Variants in CSMD1 observed in about 807,000 individuals in gnomAD.
The protein encoded by CSMD1 is CUB and sushi domain-containing protein 1.
In CSMD1, 213 loss-of-function variants were observed where a neutral mutation model predicts 417.5. The ratio of observed to expected loss-of-function variants is 0.51; its 90% CI spans 0.46 to 0.57. CSMD1 has a LOEUF of 0.57. CSMD1 is among the 20% of genes least tolerant of loss of function. The pLI is 0.00. For missense variants in CSMD1, 6,923 were observed against 4,529.7 expected, an observed-to-expected ratio of 1.53 and a Z score of -15.17; for synonymous variants, 2,862 against 1,736.8, an observed-to-expected ratio of 1.65 and a Z score of -16.11.
In CSMD1 at chr8:4,330,537, C is replaced by T. The variant is rs560124710; in HGVS notation, c.415+89416G>A. On this transcript the variant is annotated intron_variant, in intron 3 of 69. Coordinates refer to ENST00000635120, the MANE Select transcript of CSMD1 (RefSeq NM_033225.6). ...CCGAGGAGGCAGAGGTTACAGTAAG[C>T]CAAGATCACACCACAGCACTTCAGC... is the stretch of plus-strand genomic sequence containing the variant. 2.0e-5 allele frequency among the ~76,000 whole-genome samples: 3 copies of T among 150,838 alleles called. No individual in the cohort carries two copies. The East Asian group carries it at 5.9e-4, about 30-fold the overall frequency.
chr8:4,555,846 G>A (rs1010712647), intron 2 of CSMD1, among the ~76,000 whole-genome samples: 6 of 151,986 alleles, frequency 3.9e-5, no homozygotes, highest in Non-Finnish European at 8.8e-5. Context: ...TATAAAATAC[G>A]AAAATTATAT....
chr8:3,120,491 G>C (rs1037502663), intron 41 of CSMD1, among the ~76,000 whole-genome samples: 2 of 152,026 alleles, frequency 1.3e-5, no homozygotes, highest in Non-Finnish European at 2.9e-5. Flanking sequence ...ATGAGGTTTC[G>C]TTATTATCCA....
At chr8:3,368,439 C>T (rs1475938980) in intron 19 of CSMD1, among the ~76,000 whole-genome samples, 2 of 152,156 alleles carry the variant, frequency 1.3e-5, no homozygotes, top group African/African-American at 4.8e-5. Context: ...TGGGTTCAAG[C>T]CATTCCCCTG....
chr8:3,473,768 T>TCA (rs1817243221), intron 11 of CSMD1, among the ~76,000 whole-genome samples: 1 of 152,170 alleles, frequency 6.6e-6, no homozygotes, highest in Non-Finnish European at 1.5e-5. Flanking sequence ...CAGTCTACTC[T>TCA]CACACTGCTA....
intron 2 of CSMD1, among the ~76,000 whole-genome samples, chr8:4,590,274 G>A (rs1335544043): frequency 6.6e-6 from 1 of 151,940 alleles, no homozygotes; most frequent in Non-Finnish European, 1.5e-5. Flanking sequence ...GGTGACCATG[G>A]GGACAGAAAA....
At chr8:4,129,154 C>G (rs966040697) in intron 3 of CSMD1, among the ~76,000 whole-genome samples, 6 of 151,726 alleles carry the variant, frequency 4.0e-5, no homozygotes, top group Admixed American at 1.3e-4. Flanking sequence ...GTACTTATCA[C>G]CAACACATCC....
intron 3 of CSMD1, among the ~76,000 whole-genome samples, chr8:4,223,252 T>C (rs1453170815): frequency 6.6e-6 from 1 of 152,196 alleles, no homozygotes; most frequent in East Asian, 1.9e-4. Context: ...TATCTTTTTC[T>C]ATCAACTGAC....
At position 3,367,208 on chromosome 8, in the gene CSMD1, G is replaced by C; in HGVS notation, c.2939C>G (p.Ser980Cys). 1 of 1,613,366 alleles carries C rather than the reference G, an allele frequency of 6.2e-7. No homozygotes were observed. Among genetic ancestry groups the C allele is most frequent in the Non-Finnish European group, 8.5e-7 (1 of 1,179,658 alleles). Residue 980 changes from serine (S) to cysteine (C), a missense_variant, in exon 20 of 70, where the codon TCC (serine) becomes TGC (cysteine). Transcript: ENST00000635120. ...MIFHTFHLES[S>C]HDYLLITEDG... is the part of the protein sequence containing the mutation. Reference sequence around the variant, plus strand: ...CTCTGTGATCAGTAAATAGTCGTGGGAACTCTCAAGATGAAAGGTGTGAAA... The same window carrying C: ...CTCTGTGATCAGTAAATAGTCGTGGCAACTCTCAAGATGAAAGGTGTGAAA...
At chr8:3,558,584 G>C (rs1020810143) in intron 10 of CSMD1, among the ~76,000 whole-genome samples, 5 of 131,442 alleles carry the variant, frequency 3.8e-5, no homozygotes, top group African/African-American at 1.9e-4. Flanking sequence ...ATGATGAATG[G>C]TGTCTCAATA....
chr8:4,317,794 GT>G (rs1185753770), intron 3 of CSMD1, among the ~76,000 whole-genome samples: 2 of 152,114 alleles, frequency 1.3e-5, no homozygotes, highest in Non-Finnish European at 2.9e-5. Context: ...ATATAGTAAA[GT>G]GCCTGATACA....
intron 5 of CSMD1, among the ~76,000 whole-genome samples, chr8:3,993,684 A>G (rs887969501): frequency 6.6e-6 from 1 of 152,240 alleles, no homozygotes; most frequent in African/African-American, 2.4e-5. Context: ...TTAAAAAATC[A>G]TAAAGTAACA....
At chr8:3,472,905 C>T (rs865918309) in intron 11 of CSMD1, among the ~76,000 whole-genome samples, 4 of 151,936 alleles carry the variant, frequency 2.6e-5, no homozygotes, top group African/African-American at 4.8e-5. Context: ...TTATTTTCCT[C>T]GTACTTCTTT....
At chr8:3,451,489 TG>T (rs1815711312) in intron 12 of CSMD1, among the ~76,000 whole-genome samples, 2 of 152,240 alleles carry the variant, frequency 1.3e-5, no homozygotes, top group Admixed American at 6.5e-5. Context: ...AATTAATTTT[TG>T]TATAAGGTGT....
At chr8:3,508,797 C>T (rs1796942727) in intron 10 of CSMD1, among the ~76,000 whole-genome samples, 1 of 152,150 alleles carries the variant, frequency 6.6e-6, no homozygotes, top group Non-Finnish European at 1.5e-5. Flanking sequence ...GCTCCACCAC[C>T]TACGCTTTTC....
chr8:3,329,894 T>G (rs140619554), intron 23 of CSMD1, among the ~76,000 whole-genome samples: 253 of 152,328 alleles, frequency 1.7e-3, no homozygotes, highest in African/African-American at 5.9e-3. Flanking sequence ...TGGAAATGCT[T>G]TGATTTCCTT....
intron 1 of CSMD1, among the ~76,000 whole-genome samples, chr8:4,717,900 G>C (rs1162296151): frequency 6.6e-6 from 1 of 152,154 alleles, no homozygotes; most frequent in African/African-American, 2.4e-5. Context: ...TAAATAGGAT[G>C]ACTAAAGTAT....
intron 5 of CSMD1, among the ~76,000 whole-genome samples, chr8:3,980,295 T>C (rs1248028522): frequency 6.6e-6 from 1 of 152,218 alleles, no homozygotes; most frequent in Non-Finnish European, 1.5e-5. Context: ...CACAGCCCAA[T>C]GCTATTCTTG....
intron 1 of CSMD1, among the ~76,000 whole-genome samples, chr8:4,950,898 G>A (rs1203549868): frequency 6.6e-6 from 1 of 151,866 alleles, no homozygotes; most frequent in African/African-American, 2.4e-5. Context: ...GCAAACAAAT[G>A]TACTTGTTTA....
intron 5 of CSMD1, among the ~76,000 whole-genome samples, chr8:3,803,274 T>A (rs563093373): frequency 6.6e-6 from 1 of 152,206 alleles, no homozygotes; most frequent in Non-Finnish European, 1.5e-5. Context: ...CGGGTTCTCA[T>A]TGCATAAAGT....
Sources: gnomAD v4.1 joint callset for allele counts (sites outside exome capture counted in the v4.1 genomes callset) on GRCh38, gnomAD v4.1.1 for gene constraint, MANE v1.5 for transcripts, NCBI Gene and HGNC (gene_info 2026-07-23, HGNC 2026-07-21) for gene names.